Variants in CSNK1D observed in about 807,000 individuals in gnomAD.
CSNK1D encodes casein kinase 1 delta.
CSNK1D carries 16 observed loss-of-function variants against 46.6 expected under a neutral mutation model. That is an observed-to-expected ratio of 0.34 (90% confidence interval 0.23 to 0.52). The LOEUF (loss-of-function observed/expected upper bound fraction) is 0.52, where lower values mean the gene tolerates loss of function less well. CSNK1D is among the 20% of genes least tolerant of loss of function. The pLI, the probability that CSNK1D is intolerant of heterozygous loss-of-function variation, is 0.95. For missense variants in CSNK1D, 398 were observed against 578.4 expected (o/e 0.69, Z 3.20); for synonymous variants, 276 against 228.2 (o/e 1.21, Z -1.89).
Position 82,255,297 on chromosome 17 carries a change from C to T in CSNK1D, c.336+132G>A. ...CCAGTGAGCTGAGCCACTGCAGCCT[C>T]AAGGCTGAGGCTCAGCAAATTTCCA... is the stretch of plus-strand genomic sequence containing the variant. On this transcript the variant is annotated intron_variant, in intron 3 of 8. Coordinates refer to ENST00000314028, the MANE Select transcript of CSNK1D (RefSeq NM_001893.6). The surrounding 1 kb of genome is among the most constrained non-coding windows in gnomAD (Gnocchi z 5.9). 1 of 1,142,472 alleles carries T rather than the reference C, an allele frequency of 8.8e-7. No homozygotes were observed. The highest frequency in any genetic ancestry group is 1.3e-6 in the Non-Finnish European group (1 of 768,410). 70.8% of individuals were successfully genotyped at this position (1,142,472 alleles called of 1,614,324 possible).
At chr17:82,254,776 C>T (rs573880248) in intron 3 of CSNK1D, 9 of 259,300 alleles carry the variant, frequency 3.5e-5, no homozygotes, top group East Asian at 1.5e-4. Context: ...GGTGAGCCAC[C>T]GGAGCCTCGA....
intron 3 of CSNK1D, 75 bp from the exon 4 acceptor site, chr17:82,253,319 A>G (rs1036936561): frequency 1.2e-5 from 13 of 1,112,418 alleles, no homozygotes; most frequent in Non-Finnish European, 1.8e-5. Context: ...GTGGGACACT[A>G]CATCAGTGGC....
Position 82,255,012 on chromosome 17 carries a change from G to A in CSNK1D, c.336+417C>T, listed in dbSNP as rs375093795. ...GTCAGCTGAGCCGCCGGAGCCTCGA[G>A]AAGCCAGTGAGCTGAGCCGTCGGAG... On this transcript the variant is annotated intron_variant, in intron 3 of 8. Transcript: ENST00000314028. The surrounding 1 kb of genome is among the most constrained non-coding windows in gnomAD (Gnocchi z 5.9). 5.8e-6 allele frequency: 2 copies of A among 347,172 alleles called. No individual in the cohort carries two copies. The highest frequency in any genetic ancestry group is 4.4e-5 in the Admixed American group (1 of 22,582). The allele number at this position is 347,172 out of a possible 1,614,324, so 21.5% of individuals were successfully genotyped here. A position where few individuals can be genotyped will look rare whatever the true frequency, so the allele number is the denominator to read the frequency against.
rs560478411 is a variant in CSNK1D, at chr17:82,249,367, C to A, written c.1057+64G>T. On this transcript the variant is annotated intron_variant, in intron 7 of 8. Coordinates refer to ENST00000314028, the MANE Select transcript of CSNK1D (RefSeq NM_001893.6). The surrounding 1 kb of genome is among the most constrained non-coding windows in gnomAD (Gnocchi z 6.7). ...CCACCAAGTACCCTGTTGTCCCCAC[C>A]AACCCCAAGACACAAGAAGTCACCC... The A allele has an allele frequency of 6.8e-7, 1 of 1,479,864 alleles. No homozygotes were observed. Among genetic ancestry groups the A allele is most frequent in the East Asian group, 2.5e-5 (1 of 40,692 alleles). The allele number at this position is 1,479,864 out of a possible 1,614,324, so 91.7% of individuals were successfully genotyped here. A position where few individuals can be genotyped will look rare whatever the true frequency, so the allele number is the denominator to read the frequency against.
intron 1 of CSNK1D, among the ~76,000 whole-genome samples, chr17:82,268,013 C>T (rs2051522402): frequency 6.6e-6 from 1 of 152,254 alleles, no homozygotes. Context: ...CGAATCACAC[C>T]CTATCATGGG....
chr17:82,247,814 C>T, intron 8 of CSNK1D: 1 of 985,480 alleles, frequency 1.0e-6, no homozygotes, highest in African/African-American at 1.7e-5. Flanking sequence ...GCCAAAATCC[C>T]TGCATCTTTG....
rs576763780 is a variant in CSNK1D, at chr17:82,242,748, G to A, written c.*2033C>T. On this transcript the variant is annotated 3_prime_UTR_variant, in exon 9 of 9. Transcript: ENST00000314028. ...CAGTGGCGATACAAACGCACAGCTC[G>A]GAGACTGGCCGTCAGTGCACAGCTG... The A allele has an allele frequency of 1.0e-5, 10 of 985,446 alleles. No homozygotes were observed. The highest frequency in any genetic ancestry group is 9.4e-5 in the South Asian group (2 of 21,296). The allele number at this position is 985,446 out of a possible 1,614,324, so 61.0% of individuals were successfully genotyped here.
Position 82,244,425 on chromosome 17 carries a change from G to C in CSNK1D, c.*356C>G, listed in dbSNP as rs1468943875. 2 of 1,248,778 alleles carry C rather than the reference G, an allele frequency of 1.6e-6. No homozygotes were observed. Among genetic ancestry groups the C allele is most frequent in the Non-Finnish European group, 2.0e-6 (2 of 985,052 alleles). 77.4% of individuals were successfully genotyped at this position (1,248,778 alleles called of 1,614,324 possible). Reference sequence around the variant, plus strand: ...AATGATACAAAACTGTCTTAACCAAGTAGAAGATTGGTAGTTACAGTGGAA... The same window carrying C: ...AATGATACAAAACTGTCTTAACCAACTAGAAGATTGGTAGTTACAGTGGAA... On this transcript the variant is annotated 3_prime_UTR_variant, in exon 9 of 9. Coordinates refer to ENST00000314028, the MANE Select transcript of CSNK1D (RefSeq NM_001893.6).
rs2050800934 is a variant in CSNK1D at position 82,244,561 on chromosome 17, A to T, written c.*220T>A. On this transcript the variant is annotated 3_prime_UTR_variant, in exon 9 of 9. Coordinates refer to ENST00000314028, the MANE Select transcript of CSNK1D (RefSeq NM_001893.6). Reference sequence around the variant, plus strand: ...TTTCTTCCCAGCCCCGTTACAACCGAGTTCACGTGGGGGGCCGCAGTGCAG... The same window carrying T: ...TTTCTTCCCAGCCCCGTTACAACCGTGTTCACGTGGGGGGCCGCAGTGCAG... The T allele has an allele frequency of 1.3e-6, 2 of 1,481,650 alleles. No homozygotes were observed. Among genetic ancestry groups the T allele is most frequent in the South Asian group, 2.6e-5 (2 of 75,866 alleles). The allele number at this position is 1,481,650 out of a possible 1,614,324, so 91.8% of individuals were successfully genotyped here.
rs1165434045 is a variant in CSNK1D at position 82,244,157 on chromosome 17, A to G, written c.*624T>C. On this transcript the variant is annotated 3_prime_UTR_variant, in exon 9 of 9. Coordinates refer to ENST00000314028, the MANE Select transcript of CSNK1D (RefSeq NM_001893.6). The stretch of plus-strand genomic sequence containing the variant: ...ACACGGGCACACACACACACCACGG[A>G]CTTTTGATGAGAAATCTCCTCTCCA... 2 of 1,006,796 alleles carry G rather than the reference A, an allele frequency of 2.0e-6. No individual in the cohort carries two copies. Among genetic ancestry groups the G allele is most frequent in the African/African-American group, 1.7e-5 (1 of 57,590 alleles). 62.4% of individuals were successfully genotyped at this position (1,006,796 alleles called of 1,614,324 possible).
Position 82,251,423 on chromosome 17 carries a change from C to T in CSNK1D, c.841G>A (p.Gly281Ser). ...QLFRNLFHRQ[G>S]FSYDYVFDWN... ...TCGAACACGTAGTCATAGGAGAAGC[C>T]CTGGCGATGGAACAGATTCCGGAAA... The change falls in exon 6 of 9, where the codon GGC (glycine) becomes AGC (serine). Residue 281 changes from glycine (G) to serine (S), a missense_variant. Physicochemically the swap from Gly to Ser is moderately conservative, Grantham distance 56. Around this residue, in one of 2 missense-constraint regions of CSNK1D, gnomAD observed 181 missense variants for 208.0 expected, o/e 0.87. Coordinates refer to ENST00000314028, the MANE Select transcript of CSNK1D (RefSeq NM_001893.6). This position sits in a 1 kb window ranked among gnomAD's most constrained non-coding sequence, Gnocchi z 4.5. 1 of 1,614,134 alleles carries T rather than the reference C, an allele frequency of 6.2e-7. No individual in the cohort carries two copies. Among genetic ancestry groups the T allele is most frequent in the Non-Finnish European group, 8.5e-7 (1 of 1,180,034 alleles).
Position 82,249,784 on chromosome 17 carries a change from G to A in CSNK1D, c.886-182C>T. The A allele has an allele frequency of 6.9e-7, 1 of 1,458,752 alleles. No individual in the cohort carries two copies. 90.4% of individuals were successfully genotyped at this position (1,458,752 alleles called of 1,614,324 possible). A position where few individuals can be genotyped will look rare whatever the true frequency, so the allele number is the denominator to read the frequency against. ...GGGATGACAGCATCATCCCCACAAG[G>A]GGTCAGAGCCAGGCCTCTCAGCTCC... On this transcript the variant is annotated intron_variant, in intron 6 of 8. Coordinates refer to ENST00000314028, the MANE Select transcript of CSNK1D (RefSeq NM_001893.6). The surrounding 1 kb of genome is among the most constrained non-coding windows in gnomAD (Gnocchi z 6.7).
At chr17:82,263,134 T>G (rs1354385197) in intron 2 of CSNK1D, among the ~76,000 whole-genome samples, 1 of 152,130 alleles carries the variant, frequency 6.6e-6, no homozygotes, top group Non-Finnish European at 1.5e-5. Flanking sequence ...GGGCCAAGAT[T>G]GCGCCATTGC....
At chr17:82,261,819 T>C (rs999590219) in intron 2 of CSNK1D, among the ~76,000 whole-genome samples, 1 of 152,202 alleles carries the variant, frequency 6.6e-6, no homozygotes, top group Non-Finnish European at 1.5e-5. Flanking sequence ...AAGAAAAAGA[T>C]GATGGAAGAC....
Position 82,244,017 on chromosome 17 carries a change from AGCCTG to A in CSNK1D, c.*759_*763del. ...ACCCACTGCACCCCTGCCCCGCGGC[AGCCTG>A]CGGTCCCTAACTGCTCTCCGAGGGC... On this transcript the variant is annotated 3_prime_UTR_variant, in exon 9 of 9. Coordinates refer to ENST00000314028, the MANE Select transcript of CSNK1D (RefSeq NM_001893.6). 2.0e-6 allele frequency: 2 copies of A among 987,094 alleles called. No homozygotes were observed. Among genetic ancestry groups the A allele is most frequent in the Non-Finnish European group, 2.4e-6 (2 of 831,030 alleles). The allele number at this position is 987,094 out of a possible 1,614,324, so 61.1% of individuals were successfully genotyped here.
downstream of CSNK1D, chr17:82,239,393 G>T: frequency 5.5e-6 from 1 of 181,388 alleles, no homozygotes. Context: ...CATGGGGCCT[G>T]TGCCCACCCC....
rs760007607 is a variant in CSNK1D, at chr17:82,273,300, C to T, written c.76+6G>A. 2 of 1,599,632 alleles carry T rather than the reference C, an allele frequency of 1.3e-6. No homozygotes were observed. Among genetic ancestry groups the T allele is most frequent in the South Asian group, 1.1e-5 (1 of 90,536 alleles). ...CGGGCGGCGGGCGGGGGCGGCGGGG[C>T]CTCACCGAGATAGATGTCTCCGAAG... On this transcript the variant is annotated splice_donor_region_variant and intron_variant, in intron 1 of 8. Coordinates refer to ENST00000314028, the MANE Select transcript of CSNK1D (RefSeq NM_001893.6). This position sits in a 1 kb window ranked among gnomAD's most constrained non-coding sequence, Gnocchi z 5.1.
At position 82,248,488 on chromosome 17, in the gene CSNK1D, AG is replaced by A; in HGVS notation, c.1197+386del. The A allele has an allele frequency of 8.3e-6, 9 of 1,090,348 alleles. No individual in the cohort carries two copies. Among genetic ancestry groups the A allele is most frequent in the Non-Finnish European group, 1.0e-5 (9 of 890,930 alleles). The allele number at this position is 1,090,348 out of a possible 1,614,324, so 67.5% of individuals were successfully genotyped here. A position where few individuals can be genotyped will look rare whatever the true frequency, so the allele number is the denominator to read the frequency against. On this transcript the variant is annotated intron_variant, in intron 8 of 8. Coordinates refer to ENST00000314028, the MANE Select transcript of CSNK1D (RefSeq NM_001893.6). The surrounding 1 kb of genome is among the most constrained non-coding windows in gnomAD (Gnocchi z 4.1). Reference sequence around the variant, plus strand: ...CCATCCCTGGCCAGTGGCAAGAATGAGGAAGAATGAGGAAGGCTCCCTCGGG... The same window carrying A: ...CCATCCCTGGCCAGTGGCAAGAATGAGAAGAATGAGGAAGGCTCCCTCGGG...
At chr17:82,239,100 G>C (rs1231144082), downstream of CSNK1D, 3 of 937,990 alleles carry the variant, frequency 3.2e-6, no homozygotes, top group African/African-American at 5.0e-5. Flanking sequence ...CGGCCCAGCG[G>C]ATCGTCGCCC....
Sources: allele counts gnomAD v4.1 joint callset (sites outside exome capture counted in the v4.1 genomes callset), GRCh38; gene constraint gnomAD v4.1.1; regional missense constraint gnomAD v4.1.1; non-coding constraint Gnocchi (gnomAD v3.1); transcripts MANE v1.5; gene names NCBI Gene and HGNC (gene_info 2026-07-23, HGNC 2026-07-21).